Variants in FBXL12 observed in about 807,000 individuals in gnomAD.
FBXL12 encodes F-box and leucine rich repeat protein 12, also known as F-box/LRR-repeat protein 12.
Under a neutral mutation model 24.9 loss-of-function variants are expected in FBXL12, and 22 were observed. The observed-to-expected ratio is 0.88, with a 90% CI of 0.63 to 1.26. FBXL12 has a LOEUF of 1.26. Among genes scored for constraint, FBXL12 ranks in the 50% most tolerant of loss-of-function variants. The pLI is 0.00. For synonymous variants in FBXL12, 193 were observed against 193.8 expected (o/e 1.00, Z 0.03); for missense variants, 384 against 434.1 (o/e 0.88, Z 1.03).
chr19:9,818,561 T>G lies in FBXL12; in HGVS notation c.143A>C (p.Asp48Ala). The G allele has an allele frequency of 3.9e-6, 6 of 1,547,938 alleles. No individual in the cohort carries two copies. The highest frequency in any genetic ancestry group is 5.2e-6 in the Non-Finnish European group (6 of 1,149,240). ...VDDRWLWRHV[D>A]LTLYTMRPKV... Reference sequence around the variant, plus strand: ...TGCGCGTACCGTGTAGAGCGTCAGGTCGACATGTCGCCACAGCCACCGGTC... The same window carrying G: ...TGCGCGTACCGTGTAGAGCGTCAGGGCGACATGTCGCCACAGCCACCGGTC... The change falls in exon 2 of 3, where the codon GAC becomes GCC. Residue 48 changes from aspartate (D) to alanine (A), a missense_variant. By Grantham distance (126) the Asp-to-Ala change is moderately radical. Coordinates refer to ENST00000247977, the MANE Select transcript of FBXL12 (RefSeq NM_017703.3).
chr19:9,811,322 A>G lies in FBXL12; in HGVS notation c.555T>C (p.Gly185=). 1.2e-6 allele frequency: 2 copies of G among 1,609,098 alleles called. No individual in the cohort carries two copies. Among genetic ancestry groups the G allele is most frequent in the South Asian group, 2.2e-5 (2 of 91,082 alleles). Reference sequence around the variant, plus strand: ...GCCCTGTCTCGGTCACACGGTAGGTACCACCCAGCACCAGCGAGCGCAAGG... The same window carrying G: ...GCCCTGTCTCGGTCACACGGTAGGTGCCACCCAGCACCAGCGAGCGCAAGG... ...FRALRSLVLG[G]TYRVTETGLD... Residue 185 remains glycine, a synonymous_variant, in exon 3 of 3, where the codon GGT becomes GGC. Transcript: ENST00000247977. The surrounding 1 kb of genome is among the most constrained non-coding windows in gnomAD (Gnocchi z 6.0).
intron 2 of FBXL12, 46 bp downstream of exon 2, chr19:9,818,499 G>A (rs1568349251): frequency 1.3e-6 from 2 of 1,525,398 alleles, no homozygotes; most frequent in Admixed American, 2.0e-5. Context: ...TTCGGGGTCC[G>A]GGCACCGCGA....
At chr19:9,818,389 G>T (rs1326766505) in intron 2 of FBXL12, 156 bp downstream of exon 2, 2 of 743,888 alleles carry the variant, frequency 2.7e-6, no homozygotes, top group South Asian at 3.6e-5. Flanking sequence ...AGGTCGAAGA[G>T]GAGCTGGTAA....
chr19:9,814,695 CA>C (rs977095403), intron 2 of FBXL12: 723 of 45,834 alleles, frequency 0.016, 2 homozygotes, highest in Admixed American at 0.024. Context: ...GACTCCATCT[CA>C]AAAAAAAAAA....
chr19:9,816,970 G>C (rs1419610921), intron 2 of FBXL12, among the ~76,000 whole-genome samples: 1 of 152,148 alleles, frequency 6.6e-6, no homozygotes, highest in East Asian at 1.9e-4. Context: ...AGCAAAAAAG[G>C]AAACCCCTGA....
intron 2 of FBXL12, chr19:9,813,129 A>G (rs1307076948): frequency 2.9e-6 from 2 of 681,084 alleles, no homozygotes; most frequent in Non-Finnish European, 4.1e-6. Context: ...CAACCCTGGG[A>G]AGTTAGACTT....
chr19:9,813,032 C>T lies in FBXL12; in HGVS notation c.160-1315G>A, dbSNP rs79907576. On this transcript the variant is annotated intron_variant, in intron 2 of 2. Coordinates refer to ENST00000247977, the MANE Select transcript of FBXL12 (RefSeq NM_017703.3). ...AGGCTGCGATGAGCCAAGATCGTGC[C>T]GTTGCACCAGCCTGGGCAACAAGAG... is the stretch of plus-strand genomic sequence containing the variant. Among the ~76,000 whole-genome samples the T allele has an allele frequency of 2.2e-3, 341 of 152,050 alleles. 4 individuals are homozygous for T. The highest frequency in any genetic ancestry group is 7.9e-3 in the African/African-American group (329 of 41,502).
At chr19:9,812,759 T>TAAAAAAAA (rs35525468) in intron 2 of FBXL12, among the ~76,000 whole-genome samples, 1 of 114,466 alleles carries the variant, frequency 8.7e-6, no homozygotes. Context: ...AGGTCTATGT[T>TAAAAAAAA]AAAAAAAAAA....
chr19:9,810,981 G>T lies in FBXL12; in HGVS notation c.896C>A (p.Ala299Glu), dbSNP rs202228140. 9.3e-6 allele frequency: 15 copies of T among 1,613,366 alleles called. No homozygotes were observed. Among genetic ancestry groups the T allele is most frequent in the Non-Finnish European group, 1.3e-5 (15 of 1,179,620 alleles). Residue 299 changes from alanine to glutamate, a missense_variant, in exon 3 of 3, where the codon GCG becomes GAG. Transcript: ENST00000247977. The stretch of plus-strand genomic sequence containing the variant: ...CAGCCCCTTACACAGGATCTTCTCC[G>T]CCTCCTGACCCTCCCACCCCAGCCC... ...LQGLGWEGQE[A>E]EKILCKGLPH...
intron 2 of FBXL12, 40 bp downstream of exon 2, chr19:9,818,505 C>T (rs1486642634): frequency 3.3e-6 from 5 of 1,529,834 alleles, no homozygotes; most frequent in South Asian, 1.2e-5. Flanking sequence ...GTCCGGGCAC[C>T]GCGACCGCGG....
chr19:9,818,505 C>A, intron 2 of FBXL12, 40 bp downstream of exon 2: 4 of 1,529,834 alleles, frequency 2.6e-6, no homozygotes, highest in Non-Finnish European at 3.5e-6. Context: ...GTCCGGGCAC[C>A]GCGACCGCGG....
At chr19:9,818,298 C>T in intron 2 of FBXL12, 2 of 563,424 alleles carry the variant, frequency 3.5e-6, no homozygotes, top group South Asian at 2.2e-5. Context: ...CCTGCGTGAT[C>T]TCAGTGAAGT....
Position 9,811,031 on chromosome 19 carries a change from G to T in FBXL12, c.846C>A (p.Pro282=). 6.2e-7 allele frequency: 1 copy of T among 1,606,468 alleles called. No homozygotes were observed. Among genetic ancestry groups the T allele is most frequent in the African/African-American group, 1.3e-5 (1 of 74,858 alleles). Residue 282 remains proline, a synonymous_variant, in exon 3 of 3, where the codon CCC becomes CCA. Transcript: ENST00000247977. The surrounding 1 kb of genome is among the most constrained non-coding windows in gnomAD (Gnocchi z 6.0). ...CCTGCAGCTCAAGGACTCTGAGCTT[G>T]GGCATAGTGAGGCAGGAGGAGAGGA... The part of the protein sequence containing the change: ...TEILSSCLTM[P]KLRVLELQGL...
intron 2 of FBXL12, chr19:9,818,084 C>A (rs1366118042): frequency 2.7e-6 from 1 of 373,990 alleles, no homozygotes; most frequent in African/African-American, 2.1e-5. Context: ...TAGTGGCGAG[C>A]GCCCGTGGTT....
At chr19:9,814,717 A>T (rs925571325) in intron 2 of FBXL12, 1 of 151,318 alleles carries the variant, frequency 6.6e-6, no homozygotes, top group African/African-American at 2.4e-5. Context: ...AAAAAAAAAA[A>T]TTAAGAAAAC....
intron 2 of FBXL12, 199 bp downstream of exon 2, chr19:9,818,346 C>T (rs1296548922): frequency 3.3e-6 from 2 of 610,534 alleles, no homozygotes; most frequent in South Asian, 1.9e-5. Flanking sequence ...TGTCCTTTAT[C>T]CCCATTGCAG....
chr19:9,817,938 T>C (rs2045916316), intron 2 of FBXL12, among the ~76,000 whole-genome samples: 1 of 152,308 alleles, frequency 6.6e-6, no homozygotes, highest in Non-Finnish European at 1.5e-5. Flanking sequence ...TTTGAGCCAG[T>C]TGCTGTGGCT....
chr19:9,818,356 G>T, intron 2 of FBXL12, 189 bp downstream of exon 2: 1 of 625,464 alleles, frequency 1.6e-6, no homozygotes, highest in Non-Finnish European at 2.8e-6. Context: ...CCCCATTGCA[G>T]GGATGAGGAA....
chr19:9,811,994 G>A lies in FBXL12; in HGVS notation c.160-277C>T, dbSNP rs1051357622. 2.0e-5 allele frequency among the ~76,000 whole-genome samples: 3 copies of A among 151,294 alleles called. No homozygotes were observed. In the East Asian group the frequency reaches 5.8e-4, roughly 29 times the overall value. On this transcript the variant is annotated intron_variant, in intron 2 of 2. Transcript: ENST00000247977. This position sits in a 1 kb window ranked among gnomAD's most constrained non-coding sequence, Gnocchi z 6.0. The stretch of plus-strand genomic sequence containing the variant: ...CTGTCACCCAGTCTACAGTGCAGTG[G>A]TGAGATAATGGCTCACTGCAGCCTG...
Sources: allele counts gnomAD v4.1 joint callset (sites outside exome capture counted in the v4.1 genomes callset), GRCh38; gene constraint gnomAD v4.1.1; non-coding constraint Gnocchi (gnomAD v3.1); transcripts MANE v1.5; gene names NCBI Gene and HGNC (gene_info 2026-07-23, HGNC 2026-07-21).